The following FOCAD variants were observed in gnomAD, a reference collection of about 807,000 sequenced individuals.
FOCAD encodes the protein focadhesin.
FOCAD carries 198 observed loss-of-function variants against 225.6 expected under a neutral mutation model. That is an observed-to-expected ratio of 0.88 (90% CI 0.78 to 0.99). The LOEUF (loss-of-function observed/expected upper bound fraction) is 0.99. Among genes scored for constraint, FOCAD ranks in the 50% least tolerant of loss-of-function variants. The pLI, the probability that FOCAD is intolerant of heterozygous loss-of-function variation, is 0.00. For synonymous variants in FOCAD, 897 were observed against 755.0 expected, an observed-to-expected ratio of 1.19 and a Z score of -3.08; for missense variants, 2,713 against 2,123.6, an observed-to-expected ratio of 1.28 and a Z score of -5.46.
intron 8 of FOCAD, among the ~76,000 whole-genome samples, chr9:20,778,434 C>A (rs1008105212): frequency 3.3e-5 from 5 of 152,058 alleles, no homozygotes; most frequent in African/African-American, 1.2e-4. Flanking sequence ...GTTGGCTGGG[C>A]TGGTCTCGAA....
At chr9:20,975,156 C>A (rs1049472725) in intron 35 of FOCAD, among the ~76,000 whole-genome samples, 1 of 152,114 alleles carries the variant, frequency 6.6e-6, no homozygotes, top group Admixed American at 6.5e-5. Context: ...TTTGCTTCTC[C>A]TTGGTCTTCT....
chr9:20,665,884 A>G (rs1332526131), intron 2 of FOCAD, among the ~76,000 whole-genome samples: 2 of 151,470 alleles, frequency 1.3e-5, no homozygotes, highest in Non-Finnish European at 2.9e-5. Context: ...TACAAAAATT[A>G]TATATTTTAT....
In FOCAD at chr9:20,659,567, C is replaced by G. The variant is rs555035828; in HGVS notation, c.-78+741C>G. Among the ~76,000 whole-genome samples the G allele has an allele frequency of 1.7e-4, 26 of 152,218 alleles. No individual in the cohort carries two copies. In the East Asian group the frequency reaches 4.6e-3, roughly 27 times the overall value. On this transcript the variant is annotated intron_variant, in intron 2 of 45. Coordinates refer to the FOCAD transcript ENST00000380249. ...GAGGATATGGTGAGAAAGTGGTCAT[C>G]TGCATGTCAAGGAGCTAGGCCTCGG...
chr9:20,664,041 C>T lies in FOCAD; in HGVS notation c.-78+5215C>T, dbSNP rs1197696319. ...GACAGTAAATTTCAAAGCACTTTTC[C>T]AACAGTGAAGTGAAAATATCAGCAT... On this transcript the variant is annotated intron_variant, in intron 2 of 45. Coordinates refer to the FOCAD transcript ENST00000380249. Among the ~76,000 whole-genome samples the T allele has an allele frequency of 3.3e-5, 5 of 151,854 alleles. No individual in the cohort carries two copies. In the East Asian group the frequency reaches 9.7e-4, roughly 29 times the overall value.
At chr9:20,781,970 T>C (rs370590662) in intron 10 of FOCAD, 41 bp downstream of exon 10, 286 of 1,578,410 alleles carry the variant, frequency 1.8e-4, no homozygotes, top group Middle Eastern at 3.6e-4. Context: ...AAAGTGTCGA[T>C]GTGGGATTTC....
At position 20,976,487 on chromosome 9, in the gene FOCAD, C is replaced by CT; in HGVS notation, c.4201dup (p.Tyr1401LeufsTer22). The CT allele has an allele frequency of 6.2e-7, 1 of 1,613,330 alleles. No homozygotes were observed. Among genetic ancestry groups the CT allele is most frequent in the Non-Finnish European group, 8.5e-7 (1 of 1,179,388 alleles). On this transcript the variant is annotated frameshift_variant, in exon 36 of 44. Transcript: ENST00000338382. LOFTEE classifies it high-confidence loss of function. ...AACCCATAGCAACTGTTGGAGAAAGCTACCAATATCCTCCTGTGAACTGGG... is the reference window on the plus strand; with the variant it reads ...AACCCATAGCAACTGTTGGAGAAAGCTTACCAATATCCTCCTGTGAACTGGG...
intron 30 of FOCAD, 43 bp from the exon 31 acceptor site, chr9:20,948,228 T>C (rs1460014201): frequency 1.3e-6 from 2 of 1,545,704 alleles, no homozygotes; most frequent in Non-Finnish European, 1.7e-6. Flanking sequence ...TCTGTGTCTT[T>C]TTTTTTTCTT....
intron 12 of FOCAD, 27 bp from the exon 13 acceptor site, chr9:20,820,297 A>G: frequency 1.3e-6 from 2 of 1,548,960 alleles, no homozygotes; most frequent in Non-Finnish European, 8.8e-7. Flanking sequence ...AAGTTTATGC[A>G]ACTAGAGTTT....
chr9:20,819,712 C>T (rs1824110824), intron 11 of FOCAD, 84 bp from the exon 12 acceptor site: 1 of 626,996 alleles, frequency 1.6e-6, no homozygotes, highest in Non-Finnish European at 2.5e-6. Context: ...TATTATTCCT[C>T]TGGAAAAAAA....
At chr9:20,910,119 A>G (rs557067950) in intron 22 of FOCAD, among the ~76,000 whole-genome samples, 1 of 152,200 alleles carries the variant, frequency 6.6e-6, no homozygotes, top group South Asian at 2.1e-4. Context: ...GGGGTTTTTA[A>G]CTATAAATAT....
upstream of FOCAD, among the ~76,000 whole-genome samples, chr9:20,656,755 T>G (rs1821490968): frequency 6.6e-6 from 1 of 152,338 alleles, no homozygotes; most frequent in Middle Eastern, 3.4e-3. Flanking sequence ...TGTCTTTTAA[T>G]TGGAGCATTT....
rs571853079 is a variant in FOCAD at position 20,715,559 on chromosome 9, T to G, written c.57+149T>G. On this transcript the variant is annotated intron_variant, in intron 2 of 43. Transcript: ENST00000338382. ...AACAACTTTAAATATACATTTAATT[T>G]GAAAATATATATTTGACATGGAAAG... 305 of 344,482 alleles carry G rather than the reference T, an allele frequency of 8.9e-4. 2 individuals carry two copies. The highest frequency in any genetic ancestry group is 6.0e-3 in the African/African-American group (280 of 47,040). The allele number at this position is 344,482 out of a possible 1,614,324, so 21.3% of individuals were successfully genotyped here.
chr9:20,979,644 T>C (rs1301529978), intron 37 of FOCAD, among the ~76,000 whole-genome samples: 1 of 152,140 alleles, frequency 6.6e-6, no homozygotes, highest in Admixed American at 6.6e-5. Context: ...GGGCCTGTTT[T>C]TGTTTTTTTA....
At chr9:20,974,539 T>C (rs4344163) in intron 35 of FOCAD, among the ~76,000 whole-genome samples, 26 of 70,528 alleles carry the variant, frequency 3.7e-4, no homozygotes, top group East Asian at 5.8e-4. Context: ...GTCCTTTCTG[T>C]AGCTGTTTTT....
Position 20,866,918 on chromosome 9 carries a change from ACC to A in FOCAD, c.2107-9_2107-8del. Reference sequence around the variant, plus strand: ...TTTTTTTTTTTTTTTTTTTTTTTTTACCCTATCTAGGACCCAATTGTAGCAAA... The same window carrying A: ...TTTTTTTTTTTTTTTTTTTTTTTTTACTATCTAGGACCCAATTGTAGCAAA... On this transcript the variant is annotated splice_polypyrimidine_tract_variant and intron_variant, in intron 17 of 43. Coordinates refer to ENST00000338382, the MANE Select transcript of FOCAD (RefSeq NM_001375567.1). The A allele has an allele frequency of 1.1e-5, 1 of 93,312 alleles. No homozygotes were observed. The highest frequency in any genetic ancestry group is 1.8e-5 in the Non-Finnish European group (1 of 55,024). 5.8% of individuals were successfully genotyped at this position (93,312 alleles called of 1,614,324 possible). A position where few individuals can be genotyped will look rare whatever the true frequency, so the allele number is the denominator to read the frequency against.
At chr9:20,811,054 ATAG>A (rs1222514035) in intron 11 of FOCAD, among the ~76,000 whole-genome samples, 2 of 152,200 alleles carry the variant, frequency 1.3e-5, no homozygotes, top group African/African-American at 2.4e-5. Flanking sequence ...TTATTGGCAG[ATAG>A]TAGTCTTTTA....
chr9:20,990,156 G>T lies in FOCAD; in HGVS notation c.5038G>T (p.Ala1680Ser). Reference sequence around the variant, plus strand: ...CTTCTTCTTGCTGATATTTGCAACCGCAGTGGTTGCATGGGCTGACCACAC... The same window carrying T: ...CTTCTTCTTGCTGATATTTGCAACCTCAGTGGTTGCATGGGCTGACCACAC... Reference protein sequence around the residue: ...LDFFLLIFATAVVAWADHTAP... With the variant: ...LDFFLLIFATSVVAWADHTAP... Residue 1680 changes from alanine (A) to serine (S), a missense_variant, in exon 42 of 44, where the codon GCA (alanine) becomes TCA (serine). Physicochemically the swap from Ala to Ser is moderately conservative, Grantham distance 99. Coordinates refer to ENST00000338382, the MANE Select transcript of FOCAD (RefSeq NM_001375567.1). The T allele has an allele frequency of 6.2e-7, 1 of 1,614,100 alleles. No homozygotes were observed. The highest frequency in any genetic ancestry group is 2.2e-5 in the East Asian group (1 of 44,874).
intron 24 of FOCAD, 28 bp from the exon 25 acceptor site, chr9:20,923,632 C>A (rs1462797622): frequency 1.3e-5 from 20 of 1,579,750 alleles, no homozygotes; most frequent in Non-Finnish European, 1.7e-5. Context: ...CCAAAGTTCT[C>A]TGTTGAAATT....
intron 35 of FOCAD, among the ~76,000 whole-genome samples, chr9:20,961,219 C>T (rs1214900970): frequency 6.6e-6 from 1 of 151,884 alleles, no homozygotes; most frequent in East Asian, 1.9e-4. Flanking sequence ...CCCTCTCTCT[C>T]TCTGTGTTAG....
Sources: gnomAD v4.1 joint callset for allele counts (sites outside exome capture counted in the v4.1 genomes callset) on GRCh38, gnomAD v4.1.1 for gene constraint, MANE v1.5 for transcripts, NCBI Gene and HGNC (gene_info 2026-07-23, HGNC 2026-07-21) for gene names.